Variants in KAZN observed in about 807,000 individuals in gnomAD.
The protein encoded by KAZN is kazrin.
A neutral mutation model predicts 87.4 loss-of-function variants in KAZN; 40 were observed. That is an observed-to-expected ratio of 0.46 (90% CI 0.36 to 0.60). The LOEUF is 0.60. KAZN is among the 20% of genes least tolerant of loss of function. KAZN has a pLI of 0.00. For synonymous variants in KAZN, 466 were observed against 458.3 expected, an observed-to-expected ratio of 1.02 and a Z score of -0.22; for missense variants, 898 against 1,073.9, an observed-to-expected ratio of 0.84 and a Z score of 2.29.
At chr1:13,985,329 G>A (rs779900610) in intron 1 of KAZN, among the ~76,000 whole-genome samples, 13 of 151,650 alleles carry the variant, frequency 8.6e-5, no homozygotes, top group Non-Finnish European at 1.9e-4. Flanking sequence ...ATGATAGACT[G>A]GATTAAGAAA....
At chr1:14,135,040 CTTA>C (rs1557503989) in intron 1 of KAZN, among the ~76,000 whole-genome samples, 1 of 151,680 alleles carries the variant, frequency 6.6e-6, no homozygotes, top group African/African-American at 2.4e-5. Flanking sequence ...CACATTCACA[CTTA>C]TTATTACATT....
At chr1:14,954,608 C>T (rs890395311) in intron 1 of KAZN, among the ~76,000 whole-genome samples, 6 of 152,168 alleles carry the variant, frequency 3.9e-5, no homozygotes, top group African/African-American at 7.2e-5. Flanking sequence ...CGTGGGTGCA[C>T]GTGAAATGTG....
chr1:14,250,640 A>G (rs1649938443), intron 2 of KAZN, among the ~76,000 whole-genome samples: 1 of 151,992 alleles, frequency 6.6e-6, no homozygotes, highest in Admixed American at 6.5e-5. Flanking sequence ...GAATATATTT[A>G]TAGAGCTTGG....
chr1:14,878,776 G>T (rs764120842), intron 1 of KAZN, among the ~76,000 whole-genome samples: 17 of 152,264 alleles, frequency 1.1e-4, no homozygotes, highest in Non-Finnish European at 7.4e-5. Context: ...TTTCCTGTTG[G>T]CCACCATGTT....
chr1:15,070,490 C>A (rs1034937433), intron 8 of KAZN, among the ~76,000 whole-genome samples: 11 of 152,152 alleles, frequency 7.2e-5, no homozygotes, highest in Non-Finnish European at 1.5e-4. Context: ...TAGTGCAGCC[C>A]CCAACACCTG....
intron 1 of KAZN, among the ~76,000 whole-genome samples, chr1:14,060,713 G>T (rs1012306479): frequency 6.6e-6 from 1 of 152,176 alleles, no homozygotes; most frequent in Non-Finnish European, 1.5e-5. Context: ...TGAGATTACA[G>T]CATGTCCTAA....
At chr1:14,675,084 TGTTA>T (rs1433731129) in intron 1 of KAZN, among the ~76,000 whole-genome samples, 2 of 152,308 alleles carry the variant, frequency 1.3e-5, no homozygotes, top group South Asian at 2.1e-4. Flanking sequence ...AGTCTCGTGG[TGTTA>T]GTTATTTAGA....
chr1:13,899,888 C>T (rs1639183139), intron 1 of KAZN, among the ~76,000 whole-genome samples: 1 of 152,112 alleles, frequency 6.6e-6, no homozygotes. Context: ...AGGTGATCTG[C>T]CTGCCTCGGC....
At chr1:14,746,854 T>C (rs1026405715) in intron 1 of KAZN, among the ~76,000 whole-genome samples, 3 of 152,222 alleles carry the variant, frequency 2.0e-5, no homozygotes, top group African/African-American at 7.2e-5. Context: ...GCAAAATACA[T>C]ATAACATACA....
chr1:14,163,137 C>T (rs913649923), intron 1 of KAZN, among the ~76,000 whole-genome samples: 1 of 152,046 alleles, frequency 6.6e-6, no homozygotes, highest in African/African-American at 2.4e-5. Flanking sequence ...TTGATTCTTC[C>T]CTCCTCAGAG....
At chr1:13,996,573 G>A (rs999761550) in intron 1 of KAZN, among the ~76,000 whole-genome samples, 3 of 152,290 alleles carry the variant, frequency 2.0e-5, no homozygotes, top group Middle Eastern at 3.4e-3. Flanking sequence ...CCAACACACC[G>A]GCTGTGGCAG....
intron 14 of KAZN, chr1:15,113,278 G>A (rs1641717554): frequency 6.6e-6 from 1 of 152,166 alleles, no homozygotes; most frequent in Admixed American, 6.5e-5. Flanking sequence ...TGGCGCTGGT[G>A]GGGGGTGGGG....
chr1:14,360,275 G>T (rs1659393868), intron 2 of KAZN, among the ~76,000 whole-genome samples: 1 of 152,052 alleles, frequency 6.6e-6, no homozygotes, highest in Admixed American at 6.5e-5. Context: ...CTTGTGCTGT[G>T]TTTTTCAGCT....
chr1:14,314,549 A>C (rs16853916), intron 2 of KAZN, among the ~76,000 whole-genome samples: 103 of 152,230 alleles, frequency 6.8e-4, no homozygotes, highest in Middle Eastern at 6.8e-3. Flanking sequence ...CTTTTCTCAA[A>C]GCTCCATTCG....
chr1:14,405,669 T>A (rs1299295475), intron 2 of KAZN, among the ~76,000 whole-genome samples: 1 of 149,450 alleles, frequency 6.7e-6, no homozygotes, highest in Non-Finnish European at 1.5e-5. Context: ...GAGAGATTTA[T>A]TATAAGGAAT....
chr1:14,808,247 A>G (rs1368839770), intron 1 of KAZN, among the ~76,000 whole-genome samples: 1 of 151,106 alleles, frequency 6.6e-6, no homozygotes, highest in African/African-American at 2.4e-5. Flanking sequence ...TCCTTTGTGC[A>G]ACTCTCAGGG....
chr1:14,597,569 A>C (rs2148590697), upstream of KAZN, among the ~76,000 whole-genome samples: 1 of 152,116 alleles, frequency 6.6e-6, no homozygotes, highest in South Asian at 2.1e-4. Flanking sequence ...ATGCATATAA[A>C]AGCACTCTAC....
rs148724145 is a variant in KAZN, at chr1:14,954,657, C to T, written c.227-6027C>T. Among the ~76,000 whole-genome samples the T allele has an allele frequency of 2.4e-3, 367 of 152,272 alleles. 1 individual carries two copies. The highest frequency in any genetic ancestry group is 6.8e-3 in the Middle Eastern group (2 of 294). ...AGTTTTTCATTTTAATTAATTTATA[C>T]GTAAGATAGTCACCTGTGGCCAGGC... On this transcript the variant is annotated intron_variant, in intron 1 of 14. Coordinates refer to ENST00000376030, the MANE Select transcript of KAZN (RefSeq NM_201628.3).
chr1:14,566,803 G>C (rs1674575295), intron 2 of KAZN, among the ~76,000 whole-genome samples: 1 of 152,154 alleles, frequency 6.6e-6, no homozygotes, highest in Non-Finnish European at 1.5e-5. Flanking sequence ...TTCTTCTGCA[G>C]CTTCCTCCCA....
Sources: gnomAD v4.1 joint callset for allele counts (sites outside exome capture counted in the v4.1 genomes callset) on GRCh38, gnomAD v4.1.1 for gene constraint, MANE v1.5 for transcripts, NCBI Gene and HGNC (gene_info 2026-07-23, HGNC 2026-07-21) for gene names.